Variants in SCHIP1 observed in about 807,000 individuals in gnomAD.
SCHIP1 encodes the protein schwannomin interacting protein 1.
Under a neutral mutation model 29.7 loss-of-function variants are expected in SCHIP1, and 8 were observed. The observed-to-expected ratio is 0.27, with a 90% CI of 0.16 to 0.49. The LOEUF is 0.49. Among genes scored for constraint, SCHIP1 ranks in the 20% least tolerant of loss-of-function variants. The pLI, the probability that SCHIP1 is intolerant of heterozygous loss-of-function variation, is 0.99. For synonymous variants in SCHIP1, 76 were observed against 94.9 expected (o/e 0.80, Z 1.16); for missense variants, 193 against 294.6 (o/e 0.66, Z 2.52).
chr3:159,673,801 A>C, the SCHIP1 span, among the ~76,000 whole-genome samples: 19 of 151,312 alleles, frequency 1.3e-4, no homozygotes, highest in African/African-American at 4.6e-4. Flanking sequence ...ACAACAACAA[A>C]AAACATGTGC....
At chr3:159,756,396 A>G in the SCHIP1 span, among the ~76,000 whole-genome samples, 1 of 152,172 alleles carries the variant, frequency 6.6e-6, no homozygotes, top group Non-Finnish European at 1.5e-5. Flanking sequence ...CTTTTCAGAC[A>G]TGGCTGGAGC....
the SCHIP1 span, among the ~76,000 whole-genome samples, chr3:159,640,810 T>C: frequency 1.3e-5 from 2 of 152,136 alleles, no homozygotes; most frequent in Admixed American, 1.3e-4. Flanking sequence ...GATTGATAGA[T>C]GCTGTGGAAA....
chr3:159,485,939 T>A, the SCHIP1 span, among the ~76,000 whole-genome samples: 1 of 152,138 alleles, frequency 6.6e-6, no homozygotes, highest in Non-Finnish European at 1.5e-5. Flanking sequence ...CCTGCAAAAA[T>A]CTTTATCAGT....
At chr3:159,421,784 G>C in the SCHIP1 span, among the ~76,000 whole-genome samples, 5 of 152,146 alleles carry the variant, frequency 3.3e-5, no homozygotes, top group African/African-American at 9.7e-5. Context: ...CAGTTCATTT[G>C]CTGGATTTCA....
chr3:159,807,277 C>G, the SCHIP1 span, among the ~76,000 whole-genome samples: 1 of 152,078 alleles, frequency 6.6e-6, no homozygotes, highest in South Asian at 2.1e-4. Context: ...ATTTGTGCTT[C>G]GGGGAGAAAG....
chr3:159,732,492 G>C, the SCHIP1 span, among the ~76,000 whole-genome samples: 1 of 152,192 alleles, frequency 6.6e-6, no homozygotes, highest in Non-Finnish European at 1.5e-5. Flanking sequence ...TGGTATGAAA[G>C]GGCTAGAGAA....
the SCHIP1 span, among the ~76,000 whole-genome samples, chr3:159,499,724 T>G: frequency 6.6e-6 from 1 of 152,228 alleles, no homozygotes; most frequent in African/African-American, 2.4e-5. Flanking sequence ...TAGCTACCAA[T>G]TTCTAAATAT....
At chr3:159,540,275 T>A in the SCHIP1 span, among the ~76,000 whole-genome samples, 1 of 152,052 alleles carries the variant, frequency 6.6e-6, no homozygotes, top group Non-Finnish European at 1.5e-5. Flanking sequence ...CTGCTAAGAG[T>A]GTAGAAAGGT....
chr3:159,502,588 A>T, the SCHIP1 span, among the ~76,000 whole-genome samples: 3 of 151,992 alleles, frequency 2.0e-5, no homozygotes, highest in Admixed American at 6.6e-5. Context: ...GGTGTGCTGC[A>T]CCCATTAACT....
chr3:159,333,198 A>T, the SCHIP1 span, among the ~76,000 whole-genome samples: 1 of 152,218 alleles, frequency 6.6e-6, no homozygotes, highest in Non-Finnish European at 1.5e-5. Flanking sequence ...TAAAAAAGTT[A>T]TTAAGTTGTT....
At chr3:159,414,216 A>AC in the SCHIP1 span, among the ~76,000 whole-genome samples, 1 of 152,188 alleles carries the variant, frequency 6.6e-6, no homozygotes, top group Non-Finnish European at 1.5e-5. Context: ...CAGAACCAGG[A>AC]CTGGTAACAT....
chr3:159,540,866 A>G, the SCHIP1 span, among the ~76,000 whole-genome samples: 9 of 152,220 alleles, frequency 5.9e-5, no homozygotes, highest in East Asian at 1.7e-3. Context: ...TTAAATGTAT[A>G]CCAGATGTTC....
the SCHIP1 span, among the ~76,000 whole-genome samples, chr3:159,625,589 C>G: frequency 1.3e-5 from 2 of 152,068 alleles, no homozygotes; most frequent in Non-Finnish European, 2.9e-5. Flanking sequence ...AGCGAGTTTG[C>G]TTCACGTTAG....
chr3:159,577,025 C>G, the SCHIP1 span, among the ~76,000 whole-genome samples: 1 of 152,006 alleles, frequency 6.6e-6, no homozygotes, highest in African/African-American at 2.4e-5. Context: ...CAAAAGCAGT[C>G]TATATTTTTT....
intron 1 of SCHIP1, among the ~76,000 whole-genome samples, chr3:159,846,953 C>T (rs1394090031): frequency 6.6e-6 from 1 of 150,598 alleles, no homozygotes; most frequent in East Asian, 1.9e-4. Context: ...ATAAGAGCCC[C>T]ACATGGAAAA....
chr3:159,420,596 C>T, the SCHIP1 span, among the ~76,000 whole-genome samples: 1 of 152,156 alleles, frequency 6.6e-6, no homozygotes, highest in Non-Finnish European at 1.5e-5. Flanking sequence ...GAAATTTCTT[C>T]TTCATGGATG....
chr3:159,606,570 G>A, the SCHIP1 span, among the ~76,000 whole-genome samples: 3 of 152,054 alleles, frequency 2.0e-5, no homozygotes, highest in African/African-American at 4.8e-5. Flanking sequence ...TTAGTGAAGG[G>A]GCTACTTAAG....
At chr3:159,329,604 GAGTT>G in the SCHIP1 span, among the ~76,000 whole-genome samples, 1 of 152,148 alleles carries the variant, frequency 6.6e-6, no homozygotes, top group Non-Finnish European at 1.5e-5. Flanking sequence ...ACTGGCTGTG[GAGTT>G]AGTTAGATTT....
the SCHIP1 span, among the ~76,000 whole-genome samples, chr3:159,411,307 G>A: frequency 1.3e-5 from 2 of 152,034 alleles, no homozygotes; most frequent in African/African-American, 4.8e-5. Flanking sequence ...CACAAAGAAA[G>A]GATAAATGCT....
Sources: allele counts gnomAD v4.1 joint callset (sites outside exome capture counted in the v4.1 genomes callset), GRCh38; gene constraint gnomAD v4.1.1; transcripts MANE v1.5; gene names NCBI Gene and HGNC (gene_info 2026-07-23, HGNC 2026-07-21).